The following TMEM232 variants were observed in gnomAD, a reference collection of about 807,000 sequenced individuals.
TMEM232 encodes the protein transmembrane protein 232.
In TMEM232, 80 loss-of-function variants were observed where a neutral mutation model predicts 78.8. That is an observed-to-expected ratio of 1.01 (90% CI 0.85 to 1.22). The LOEUF is 1.22. Among genes scored for constraint, TMEM232 ranks in the 50% most tolerant of loss-of-function variants. The pLI is 0.00. For synonymous variants in TMEM232, 297 were observed against 254.3 expected, an observed-to-expected ratio of 1.17 and a Z score of -1.60; for missense variants, 881 against 742.2, an observed-to-expected ratio of 1.19 and a Z score of -2.17.
intron 4 of TMEM232, among the ~76,000 whole-genome samples, chr5:110,389,587 T>C (rs1412306474): frequency 2.6e-5 from 4 of 152,222 alleles, no homozygotes; most frequent in Non-Finnish European, 5.9e-5. Context: ...TTGCATTGGA[T>C]TCTGACATAA....
At chr5:110,639,730 A>G (rs1378977051) in intron 4 of TMEM232, among the ~76,000 whole-genome samples, 1 of 152,246 alleles carries the variant, frequency 6.6e-6, no homozygotes, top group African/African-American at 2.4e-5. Flanking sequence ...AGGAATTACC[A>G]TAATTGATTT....
At chr5:110,713,093 T>C (rs146808688) in intron 1 of TMEM232, among the ~76,000 whole-genome samples, 17 of 151,894 alleles carry the variant, frequency 1.1e-4, no homozygotes, top group Non-Finnish European at 2.2e-4. Flanking sequence ...AATAAGATTC[T>C]CTAATTTGCA....
chr5:110,457,409 A>G lies in TMEM232; in HGVS notation c.1704-32493T>C. Among the ~76,000 whole-genome samples, 2 of 152,272 alleles carry G rather than the reference A, an allele frequency of 1.3e-5. 1 individual carries two copies. On this transcript the variant is annotated intron_variant, in intron 12 of 13. Coordinates refer to ENST00000455884, the MANE Select transcript of TMEM232 (RefSeq NM_001039763.4). ...AAACTAGAACTCTCTTATGTTTATG[A>G]TGGGAAAGCAAATGTTACAGCAACT...
At chr5:110,398,584 C>T (rs1755477974) in intron 2 of TMEM232, among the ~76,000 whole-genome samples, 3 of 152,086 alleles carry the variant, frequency 2.0e-5, no homozygotes, top group South Asian at 4.1e-4. Flanking sequence ...TCTTGGTTTA[C>T]TTTGATTATG....
chr5:110,579,127 G>A (rs1777883766), intron 10 of TMEM232, among the ~76,000 whole-genome samples: 1 of 151,590 alleles, frequency 6.6e-6, no homozygotes. Context: ...ATGTCAAGGG[G>A]ATGATTGTAA....
intron 1 of TMEM232, among the ~76,000 whole-genome samples, chr5:110,672,074 A>G (rs538258486): frequency 1.7e-3 from 252 of 152,286 alleles, no homozygotes; most frequent in African/African-American, 5.6e-3. Flanking sequence ...ATTGAAGGCT[A>G]AAACTGGTTT....
intron 13 of TMEM232, among the ~76,000 whole-genome samples, chr5:110,423,897 T>C (rs1226586787): frequency 1.3e-5 from 2 of 152,084 alleles, no homozygotes; most frequent in South Asian, 2.1e-4. Flanking sequence ...TAGGAAAATA[T>C]AGATGTTGAA....
upstream of TMEM232, among the ~76,000 whole-genome samples, chr5:110,731,209 C>A (rs182842443): frequency 1.4e-3 from 209 of 152,314 alleles, 1 homozygote; most frequent in African/African-American, 4.9e-3. Flanking sequence ...CAGCTCCACC[C>A]CTGTGGCTGT....
At chr5:110,568,151 A>C (rs530018656) in intron 11 of TMEM232, among the ~76,000 whole-genome samples, 1 of 152,056 alleles carries the variant, frequency 6.6e-6, no homozygotes, top group African/African-American at 2.4e-5. Context: ...TTTCCCACCA[A>C]GTCAGAGTTC....
At chr5:110,652,708 T>C (rs1788508470) in intron 2 of TMEM232, among the ~76,000 whole-genome samples, 1 of 152,114 alleles carries the variant, frequency 6.6e-6, no homozygotes, top group Non-Finnish European at 1.5e-5. Flanking sequence ...ATTGTAAAAA[T>C]TAAAACTTAT....
chr5:110,737,719 C>T (rs932419608), intron 1 of TMEM232, among the ~76,000 whole-genome samples: 7 of 152,090 alleles, frequency 4.6e-5, no homozygotes, highest in Non-Finnish European at 8.8e-5. Flanking sequence ...TTGGTATGAA[C>T]TCTTTGTACA....
At chr5:110,497,024 T>G (rs1389952403) in intron 12 of TMEM232, among the ~76,000 whole-genome samples, 2 of 152,010 alleles carry the variant, frequency 1.3e-5, no homozygotes, top group Non-Finnish European at 2.9e-5. Context: ...TGATCAATAG[T>G]AAATCAATTG....
intron 12 of TMEM232, among the ~76,000 whole-genome samples, chr5:110,524,260 CA>C (rs111668182): frequency 0.44 from 25,842 of 59,170 alleles, 4,632 homozygotes; most frequent in African/African-American, 0.63. Context: ...GACTCAGTCT[CA>C]AAAAAAAAAA....
At chr5:110,567,946 C>T (rs1464002641) in intron 11 of TMEM232, among the ~76,000 whole-genome samples, 2 of 151,994 alleles carry the variant, frequency 1.3e-5, no homozygotes, top group Non-Finnish European at 2.9e-5. Context: ...TTTTGGCAGC[C>T]CTTGCTATGA....
At chr5:110,665,891 C>CAAAAAAAAAAA (rs775392111) in intron 2 of TMEM232, among the ~76,000 whole-genome samples, 5 of 63,800 alleles carry the variant, frequency 7.8e-5, no homozygotes, top group Non-Finnish European at 1.8e-4. Flanking sequence ...CCCATCTCCA[C>CAAAAAAAAAAA]AAAAAAAAAA....
chr5:110,624,267 G>A (rs529871264), intron 7 of TMEM232, among the ~76,000 whole-genome samples: 1 of 152,128 alleles, frequency 6.6e-6, no homozygotes, highest in Non-Finnish European at 1.5e-5. Flanking sequence ...ATTCATGTTT[G>A]CATGGCATTT....
intron 12 of TMEM232, among the ~76,000 whole-genome samples, chr5:110,463,193 C>T (rs1349204697): frequency 6.6e-6 from 1 of 152,188 alleles, no homozygotes; most frequent in African/African-American, 2.4e-5. Flanking sequence ...AAATCTTCAA[C>T]AACCACAACC....
At chr5:110,601,625 A>G (rs1441187899) in intron 10 of TMEM232, among the ~76,000 whole-genome samples, 1 of 152,214 alleles carries the variant, frequency 6.6e-6, no homozygotes, top group Non-Finnish European at 1.5e-5. Context: ...ACTACAAACC[A>G]CTGCTCAAGG....
chr5:110,551,834 A>G (rs970935337), intron 11 of TMEM232, among the ~76,000 whole-genome samples: 1 of 152,170 alleles, frequency 6.6e-6, no homozygotes, highest in Non-Finnish European at 1.5e-5. Context: ...AAGCCAAATA[A>G]ATGACTTTAC....
Sources: gnomAD v4.1 joint callset for allele counts (sites outside exome capture counted in the v4.1 genomes callset) on GRCh38, gnomAD v4.1.1 for gene constraint, MANE v1.5 for transcripts, NCBI Gene and HGNC (gene_info 2026-07-23, HGNC 2026-07-21) for gene names.